SIPA1L1: variants seen among roughly 807,000 people sequenced by gnomAD.
The protein encoded by SIPA1L1 is signal-induced proliferation-associated 1-like protein 1.
Under a neutral mutation model 162.7 loss-of-function variants are expected in SIPA1L1, and 26 were observed. That is an observed-to-expected ratio of 0.16 (90% confidence interval 0.12 to 0.22). SIPA1L1 has a LOEUF of 0.22. SIPA1L1 is among the 10% of genes least tolerant of loss of function. The pLI is 1.00. For missense variants in SIPA1L1, 1,874 were observed against 2,241.0 expected (o/e 0.84, Z 3.31); for synonymous variants, 829 against 837.4 (o/e 0.99, Z 0.17).
At chr14:71,477,240 G>A (rs1205280345) in intron 2 of SIPA1L1, among the ~76,000 whole-genome samples, 4 of 152,072 alleles carry the variant, frequency 2.6e-5, no homozygotes, top group African/African-American at 4.8e-5. Flanking sequence ...CAGCCTGGGC[G>A]ACAGAGCAAG....
chr14:71,658,775 G>A (rs1046010515), intron 9 of SIPA1L1, among the ~76,000 whole-genome samples: 1 of 152,200 alleles, frequency 6.6e-6, no homozygotes. Context: ...AGTGGGTGAA[G>A]TTTCATCTCA....
chr14:71,620,112 C>T (rs1301300642), intron 6 of SIPA1L1, among the ~76,000 whole-genome samples: 5 of 152,222 alleles, frequency 3.3e-5, no homozygotes, highest in African/African-American at 7.2e-5. Context: ...ACTCGTTACC[C>T]AGGCTAGAGT....
intron 2 of SIPA1L1, among the ~76,000 whole-genome samples, chr14:71,425,848 TTTTAG>T: frequency 9.8e-6 from 1 of 102,338 alleles, no homozygotes; most frequent in South Asian, 2.8e-4. Context: ...TTTGGTTTTA[TTTTAG>T]ATTTATTTTA....
rs143612546 is a variant in SIPA1L1, at chr14:71,734,301, C to T, written c.5008+489C>T. Among the ~76,000 whole-genome samples the T allele has an allele frequency of 1.4e-4, 22 of 152,340 alleles. No homozygotes were observed. In the East Asian group the frequency reaches 3.1e-3, roughly 21 times the overall value. On this transcript the variant is annotated intron_variant, in intron 21 of 23. Transcript: ENST00000381232. ...CTTGCCAGCCTGCTGGCCGTGTGCT[C>T]GCTTTAGGCTGGCGGTTCTTAAATG...
intron 6 of SIPA1L1, among the ~76,000 whole-genome samples, 197 bp from the exon 7 acceptor site, chr14:71,623,851 G>A (rs1187030150): frequency 6.6e-6 from 1 of 152,126 alleles, no homozygotes; most frequent in African/African-American, 2.4e-5. Context: ...CCCTGGTCTT[G>A]AAAGCATTGG....
intron 2 of SIPA1L1, among the ~76,000 whole-genome samples, chr14:71,480,396 T>G (rs1436368164): frequency 6.7e-6 from 1 of 148,758 alleles, no homozygotes; most frequent in African/African-American, 2.5e-5. Flanking sequence ...GCCAGACTAG[T>G]GTTTTTCACA....
intron 5 of SIPA1L1, among the ~76,000 whole-genome samples, chr14:71,590,299 CCT>C (rs1350895030): frequency 2.6e-5 from 4 of 151,874 alleles, no homozygotes; most frequent in African/African-American, 9.7e-5. Flanking sequence ...GAAGGACATA[CCT>C]CTGTGTTCCA....
chr14:71,434,479 A>C (rs959593521), intron 2 of SIPA1L1, among the ~76,000 whole-genome samples: 7 of 152,362 alleles, frequency 4.6e-5, no homozygotes, highest in African/African-American at 1.7e-4. Context: ...AAGCTAAACT[A>C]TATAAATTTT....
chr14:71,454,030 A>G (rs2046014116), intron 2 of SIPA1L1, among the ~76,000 whole-genome samples: 1 of 151,190 alleles, frequency 6.6e-6, no homozygotes, highest in East Asian at 1.9e-4. Flanking sequence ...AAAAAAGGAA[A>G]AAAGAAATCC....
chr14:71,580,065 A>G (rs976184182), intron 4 of SIPA1L1, among the ~76,000 whole-genome samples: 2 of 152,154 alleles, frequency 1.3e-5, no homozygotes, highest in Admixed American at 1.3e-4. Flanking sequence ...TGCGTTTTTT[A>G]CAGAGTTCAT....
At chr14:71,405,855 G>T (rs1258245549) in intron 2 of SIPA1L1, among the ~76,000 whole-genome samples, 2 of 152,214 alleles carry the variant, frequency 1.3e-5, no homozygotes, top group South Asian at 2.1e-4. Context: ...ATGTAGGGCA[G>T]AATTTTTACA....
At chr14:71,528,212 T>C (rs1379470198) in intron 3 of SIPA1L1, among the ~76,000 whole-genome samples, 4 of 152,196 alleles carry the variant, frequency 2.6e-5, no homozygotes. Context: ...TTTTGCATTT[T>C]TTTCTCCTGA....
At chr14:71,738,383 G>A in intron 23 of SIPA1L1, 58 bp downstream of exon 23, 2 of 1,180,656 alleles carry the variant, frequency 1.7e-6, no homozygotes, top group Non-Finnish European at 2.5e-6. Flanking sequence ...CTTGAACCAT[G>A]AGAGCCCTTT....
intron 2 of SIPA1L1, among the ~76,000 whole-genome samples, chr14:71,399,010 G>C (rs899454898): frequency 1.3e-5 from 2 of 152,176 alleles, no homozygotes; most frequent in African/African-American, 4.8e-5. Flanking sequence ...TAACCTGTTT[G>C]GCTGGTGAGG....
At chr14:71,468,178 C>G (rs1295133146) in intron 2 of SIPA1L1, among the ~76,000 whole-genome samples, 2 of 151,986 alleles carry the variant, frequency 1.3e-5, no homozygotes, top group Admixed American at 1.3e-4. Context: ...TGTTCTAGAC[C>G]CTCTAAGGCA....
chr14:71,520,854 G>A (rs959749072), intron 3 of SIPA1L1, among the ~76,000 whole-genome samples: 2 of 152,124 alleles, frequency 1.3e-5, no homozygotes, highest in Non-Finnish European at 2.9e-5. Context: ...CCAGGCTCAG[G>A]TGATCCTCCC....
At chr14:71,357,313 A>C (rs1041242153) in intron 2 of SIPA1L1, among the ~76,000 whole-genome samples, 9 of 152,136 alleles carry the variant, frequency 5.9e-5, no homozygotes, top group African/African-American at 9.7e-5. Flanking sequence ...TCGAAATCAC[A>C]TGGTCCAACA....
rs1597114056 is a variant in SIPA1L1 at position 71,705,307 on chromosome 14, A to T, written c.3732A>T (p.Pro1244=). The change falls in exon 16 of 24, where the codon CCA becomes CCT. Residue 1244 remains proline, a synonymous_variant. Transcript: ENST00000381232. ...GTGGGAGATTAATGCGGCAGGATCC[A>T]GTGGTTCATTTGTCTCCAAACAAAC... ...SPSGRLMRQD[P]VVHLSPNKQG... is the part of the protein sequence containing the mutation. The T allele has an allele frequency of 6.2e-7, 1 of 1,614,162 alleles. No homozygotes were observed. The highest frequency in any genetic ancestry group is 1.1e-5 in the South Asian group (1 of 91,084).
At chr14:71,631,971 A>AT (rs1216720953) in intron 7 of SIPA1L1, among the ~76,000 whole-genome samples, 1 of 152,146 alleles carries the variant, frequency 6.6e-6, no homozygotes, top group Non-Finnish European at 1.5e-5. Context: ...TTTTTGTTTT[A>AT]TTTTAATGAC....
Sources: allele counts gnomAD v4.1 joint callset (sites outside exome capture counted in the v4.1 genomes callset), GRCh38; gene constraint gnomAD v4.1.1; transcripts MANE v1.5; gene names NCBI Gene and HGNC (gene_info 2026-07-23, HGNC 2026-07-21).